Variants in BCAM observed in about 807,000 individuals in gnomAD.
The protein encoded by BCAM is basal cell adhesion molecule (Lutheran blood group).
In BCAM, 61 loss-of-function variants were observed where a neutral mutation model predicts 72.4. The ratio of observed to expected loss-of-function variants is 0.84; its 90% CI spans 0.69 to 1.04. The LOEUF (loss-of-function observed/expected upper bound fraction) is 1.04. Among genes scored for constraint, BCAM ranks in the 50% least tolerant of loss-of-function variants. The pLI, the probability that BCAM is intolerant of heterozygous loss-of-function variation, is 0.00. For synonymous variants in BCAM, 408 were observed against 384.2 expected, an observed-to-expected ratio of 1.06 and a Z score of -0.73; for missense variants, 909 against 895.0, an observed-to-expected ratio of 1.02 and a Z score of -0.20.
Position 44,813,119 on chromosome 19 carries a change from C to T in BCAM, c.505-131C>T. 3 of 1,023,188 alleles carry T rather than the reference C, an allele frequency of 2.9e-6. No individual in the cohort carries two copies. Among genetic ancestry groups the T allele is most frequent in the Non-Finnish European group, 4.3e-6 (3 of 701,200 alleles). 63.4% of individuals were successfully genotyped at this position (1,023,188 alleles called of 1,614,324 possible). A position where few individuals can be genotyped will look rare whatever the true frequency, so the allele number is the denominator to read the frequency against. ...CTGAGTCGGGGACTAGGAATTTGGA[C>T]TCCTGGGTCCTGGGAGAGTCGGGAG... is the stretch of plus-strand genomic sequence containing the variant. On this transcript the variant is annotated intron_variant, in intron 4 of 14. Transcript: ENST00000270233. This position sits in a 1 kb window ranked among gnomAD's most constrained non-coding sequence, Gnocchi z 4.2.
intron 14 of BCAM, 27 bp from the exon 15 acceptor site, chr19:44,820,889 A>G: frequency 1.3e-6 from 2 of 1,558,250 alleles, no homozygotes; most frequent in South Asian, 2.4e-5. Context: ...CCGTGGGCAC[A>G]GGCTGACCTC....
chr19:44,819,535 CAG>C lies in BCAM; in HGVS notation c.1619-44_1619-43del, dbSNP rs776878821. ...GCAGAGGAGCCGGGTGTGGGGCAGACAGAGCCCACTGCCTGACCCACGCCTCT... is the reference window on the plus strand; with the variant it reads ...GCAGAGGAGCCGGGTGTGGGGCAGACAGCCCACTGCCTGACCCACGCCTCT... On this transcript the variant is annotated intron_variant, in intron 12 of 14. Transcript: ENST00000270233. 1.9e-5 allele frequency: 30 copies of C among 1,613,172 alleles called. 1 individual carries two copies. In the Admixed American group the frequency reaches 5.0e-4, roughly 27 times the overall value.
chr19:44,814,320 C>A lies in BCAM; in HGVS notation c.921+32C>A. On this transcript the variant is annotated intron_variant, in intron 7 of 14. Transcript: ENST00000270233. This position sits in a 1 kb window ranked among gnomAD's most constrained non-coding sequence, Gnocchi z 4.6. ...CACCCAAGGGTCCCTCTGGGATCCA[C>A]CCCCCAGCCCCTGACCTCTGTGACC... The A allele has an allele frequency of 6.4e-7, 1 of 1,565,760 alleles. No individual in the cohort carries two copies. The highest frequency in any genetic ancestry group is 8.6e-7 in the Non-Finnish European group (1 of 1,166,200).
rs1201261411 is a variant in BCAM, at chr19:44,814,607, G to A, written c.925G>A (p.Glu309Lys). The A allele has an allele frequency of 1.2e-6, 2 of 1,613,072 alleles. No individual in the cohort carries two copies. Among genetic ancestry groups the A allele is most frequent in the South Asian group, 1.1e-5 (1 of 90,994 alleles). ...TTCCTCGTCCCCCGTCTCCCAGGAT[G>A]AGCAGGAGGAAGTGCTGAATGTGAA... ...PEYTLFRLQD[E>K]QEEVLNVNLE... The change falls in exon 8 of 15, where the codon GAG (glutamate) becomes AAG (lysine). Residue 309 changes from glutamate (E) to lysine (K), a missense_variant. Glu to Lys is a moderately conservative substitution (Grantham distance 56). Transcript: ENST00000270233. The surrounding 1 kb of genome is among the most constrained non-coding windows in gnomAD (Gnocchi z 4.6).
intron 13 of BCAM, chr19:44,820,373 C>G: frequency 8.9e-7 from 1 of 1,118,134 alleles, no homozygotes; most frequent in Non-Finnish European, 1.1e-6. Context: ...CCCTAAGCCT[C>G]CCCAAGCTCC....
Position 44,811,653 on chromosome 19 carries a change from G to A in BCAM, c.204+307G>A, listed in dbSNP as rs539033993. On this transcript the variant is annotated intron_variant, in intron 2 of 14. Transcript: ENST00000270233. ...TGTAATCCCAGCACTTTGGGAGGCC[G>A]AGGCGGGTGGATCACGAGGTCAAGA... 277 of 345,868 alleles carry A rather than the reference G, an allele frequency of 8.0e-4. 2 individuals carry two copies. The highest frequency in any genetic ancestry group is 5.7e-3 in the African/African-American group (272 of 47,406). The allele number at this position is 345,868 out of a possible 1,614,324, so 21.4% of individuals were successfully genotyped here.
In BCAM at chr19:44,813,230, C is replaced by A; in HGVS notation, c.505-20C>A. On this transcript the variant is annotated intron_variant, in intron 4 of 14. Coordinates refer to ENST00000270233, the MANE Select transcript of BCAM (RefSeq NM_005581.5). The surrounding 1 kb of genome is among the most constrained non-coding windows in gnomAD (Gnocchi z 4.2). Reference sequence around the variant, plus strand: ...AGAGTCCCAGCTCCAAGCCCAGGGCCATGCCCGTGTCTGCCTCAGATCGCC... The same window carrying A: ...AGAGTCCCAGCTCCAAGCCCAGGGCAATGCCCGTGTCTGCCTCAGATCGCC... 1 of 1,613,330 alleles carries A rather than the reference C, an allele frequency of 6.2e-7. No individual in the cohort carries two copies. The highest frequency in any genetic ancestry group is 8.5e-7 in the Non-Finnish European group (1 of 1,179,600).
rs150671582 is a variant in BCAM, at chr19:44,813,073, TGGA to T, written c.505-174_505-172del. 50,493 of 661,962 alleles carry T rather than the reference TGGA, an allele frequency of 0.076. 2,415 individuals are homozygous for T. The highest frequency in any genetic ancestry group is 0.18 in the South Asian group (9,127 of 51,220). The allele number at this position is 661,962 out of a possible 1,614,324, so 41.0% of individuals were successfully genotyped here. On this transcript the variant is annotated intron_variant, in intron 4 of 14. Coordinates refer to ENST00000270233, the MANE Select transcript of BCAM (RefSeq NM_005581.5). The surrounding 1 kb of genome is among the most constrained non-coding windows in gnomAD (Gnocchi z 4.2). ...ATCCTTGGTCCCTGGAGGATGGTGC[TGGA>T]GGCCTGGACTCTTTAGTCTGAGTCG... is the stretch of plus-strand genomic sequence containing the variant.
In BCAM at chr19:44,820,702, C is replaced by A. The variant is rs762306931; in HGVS notation, c.1764-3C>A. On this transcript the variant is annotated splice_region_variant and splice_polypyrimidine_tract_variant and intron_variant, in intron 13 of 14. Transcript: ENST00000270233. ...GCCTCCGCCCGCTGCCTCCTCCCCCCAGGCCGCCAGGGGAGCCAGGGCTGA... is the reference window on the plus strand; with the variant it reads ...GCCTCCGCCCGCTGCCTCCTCCCCCAAGGCCGCCAGGGGAGCCAGGGCTGA... The A allele has an allele frequency of 1.1e-5, 15 of 1,407,712 alleles. No homozygotes were observed. The highest frequency in any genetic ancestry group is 1.5e-5 in the African/African-American group (1 of 68,254). 87.2% of individuals were successfully genotyped at this position (1,407,712 alleles called of 1,614,324 possible).
chr19:44,809,233 G>A, intron 1 of BCAM, 27 bp downstream of exon 1: 1 of 1,414,156 alleles, frequency 7.1e-7, no homozygotes, highest in Non-Finnish European at 9.3e-7. Flanking sequence ...GGGCAAGGTG[G>A]GACTGGGGAG....
Position 44,813,561 on chromosome 19 carries a change from G to A in BCAM, c.725G>A (p.Ser242Asn), listed in dbSNP as rs775694132. The change falls in exon 6 of 15, where the codon AGC becomes AAC. Residue 242 changes from serine (S) to asparagine (N), a missense_variant. Ser to Asn is a conservative substitution (Grantham distance 46, BLOSUM62 1). Transcript: ENST00000270233. This position sits in a 1 kb window ranked among gnomAD's most constrained non-coding sequence, Gnocchi z 4.2. ...AGCTTCCACTGCGCCGCCCACTACA[G>A]CCTGCCCGAGGGCCGCCACGGCCGC... ...DASFHCAAHY[S>N]LPEGRHGRLD... 2 of 1,612,532 alleles carry A rather than the reference G, an allele frequency of 1.2e-6. No individual in the cohort carries two copies. Among genetic ancestry groups the A allele is most frequent in the Non-Finnish European group, 1.7e-6 (2 of 1,179,924 alleles).
At chr19:44,819,827 C>A in intron 13 of BCAM, 101 bp downstream of exon 13, 1 of 1,437,532 alleles carries the variant, frequency 7.0e-7, no homozygotes, top group Admixed American at 2.8e-5. Context: ...TATCCTCCAC[C>A]CCACATCCCA....
At position 44,813,689 on chromosome 19, in the gene BCAM, G is replaced by T; in HGVS notation, c.784+69G>T. 6.5e-7 allele frequency: 1 copy of T among 1,540,052 alleles called. No individual in the cohort carries two copies. Among genetic ancestry groups the T allele is most frequent in the Non-Finnish European group, 8.8e-7 (1 of 1,138,896 alleles). On this transcript the variant is annotated intron_variant, in intron 6 of 14. Transcript: ENST00000270233. The surrounding 1 kb of genome is among the most constrained non-coding windows in gnomAD (Gnocchi z 4.2). ...CCTCATGAGGCCTGACCCTCCACCC[G>T]GGGGCTTCACACTCCCCTCTGACCC...
chr19:44,811,581 A>G (rs1205895771), intron 2 of BCAM: 4 of 538,986 alleles, frequency 7.4e-6, no homozygotes, highest in African/African-American at 1.9e-5. Flanking sequence ...GAGAGAGAAC[A>G]GAGACAGACA....
At position 44,821,000 on chromosome 19, in the gene BCAM, C is replaced by A. The variant is rs372443863; in HGVS notation, c.*79C>A. 5.9e-5 allele frequency: 84 copies of A among 1,432,432 alleles called. No individual in the cohort carries two copies. In the East Asian group the frequency reaches 1.6e-3, roughly 27 times the overall value. The allele number at this position is 1,432,432 out of a possible 1,614,324, so 88.7% of individuals were successfully genotyped here. On this transcript the variant is annotated 3_prime_UTR_variant, in exon 15 of 15. Transcript: ENST00000270233. ...ACCAGCCCTGCTCACGCCATGCCCG[C>A]CCCCGCCTTCCCTCTTCCCTCTTCC...
Position 44,818,799 on chromosome 19 carries a change from C to T in BCAM, c.1253C>T (p.Ser418Phe). Residue 418 changes from serine (S) to phenylalanine (F), a missense_variant, in exon 10 of 15, where the codon TCC becomes TTC. Ser to Phe is a radical substitution (Grantham distance 155). Coordinates refer to ENST00000270233, the MANE Select transcript of BCAM (RefSeq NM_005581.5). The surrounding 1 kb of genome is among the most constrained non-coding windows in gnomAD (Gnocchi z 4.6). Reference sequence around the variant, plus strand: ...TCGCTCAGTTCTATCACCTTCGATTCCAATGGCACCTACGTATGTGAGGCC... The same window carrying T: ...TCGCTCAGTTCTATCACCTTCGATTTCAATGGCACCTACGTATGTGAGGCC... ...MLSLSSITFD[S>F]NGTYVCEASL... is the part of the protein sequence containing the mutation. 6.2e-7 allele frequency: 1 copy of T among 1,614,134 alleles called. No individual in the cohort carries two copies. The highest frequency in any genetic ancestry group is 1.6e-4 in the Middle Eastern group (1 of 6,062).
chr19:44,811,987 C>T lies in BCAM; in HGVS notation c.205-176C>T, dbSNP rs994274477. The T allele has an allele frequency of 1.2e-5, 8 of 655,764 alleles. No homozygotes were observed. In the African/African-American group the frequency reaches 1.5e-4, roughly 12 times the overall value. The allele number at this position is 655,764 out of a possible 1,614,324, so 40.6% of individuals were successfully genotyped here. On this transcript the variant is annotated intron_variant, in intron 2 of 14. Transcript: ENST00000270233. ...ATGGAGAAAAGGAGACAGGAAAAAT[C>T]AAGAACTGATAGGGAATGGGGGCAG... is the stretch of plus-strand genomic sequence containing the variant.
intron 13 of BCAM, 29 bp downstream of exon 13, chr19:44,819,755 C>T (rs1432384539): frequency 1.3e-6 from 2 of 1,567,106 alleles, no homozygotes; most frequent in African/African-American, 1.4e-5. Context: ...GCAATGACCA[C>T]CATAGCTTAA....
upstream of BCAM, chr19:44,809,081 G>A (rs757781904): frequency 2.3e-6 from 3 of 1,316,520 alleles, no homozygotes; most frequent in South Asian, 4.0e-5. Context: ...GCCCCGCAGC[G>A]GCCGAGCTGC....
Sources: gnomAD v4.1 joint callset for allele counts on GRCh38, gnomAD v4.1.1 for gene constraint, Gnocchi (gnomAD v3.1) non-coding constraint, MANE v1.5 for transcripts, NCBI Gene and HGNC (gene_info 2026-07-23, HGNC 2026-07-21) for gene names.